The following CTNNA3 variants were observed in gnomAD, a reference collection of about 807,000 sequenced individuals.
CTNNA3 encodes the protein catenin alpha 3, also known as catenin alpha-3.
CTNNA3 carries 76 observed loss-of-function variants against 95.7 expected under a neutral mutation model. The ratio of observed to expected loss-of-function variants is 0.79; its 90% confidence interval spans 0.66 to 0.96. CTNNA3 has a LOEUF of 0.96. CTNNA3 is among the 40% of genes least tolerant of loss of function. The probability of loss-of-function intolerance (pLI) is 0.00; values close to 1 mark genes in which losing one functional copy is unlikely to be tolerated. For synonymous variants in CTNNA3, 431 were observed against 374.4 expected (o/e 1.15, Z -1.74); for missense variants, 1,191 against 1,089.8 (o/e 1.09, Z -1.31).
intron 11 of CTNNA3, among the ~76,000 whole-genome samples, chr10:66,412,293 C>T (rs1249693797): frequency 6.6e-6 from 1 of 151,778 alleles, no homozygotes; most frequent in Non-Finnish European, 1.5e-5. Context: ...ATAATAAGCA[C>T]AGGAATGGCT....
Position 66,146,410 on chromosome 10 carries a change from C to T in CTNNA3, c.1885-43161G>A, listed in dbSNP as rs1589548940. On this transcript the variant is annotated intron_variant, in intron 13 of 17. Coordinates refer to ENST00000433211, the MANE Select transcript of CTNNA3 (RefSeq NM_013266.4). ...TTTAACAGGAGTTACTCCAAACTTT[C>T]ATGCAAGTATTCATTAGACCTCTCC... is the stretch of plus-strand genomic sequence containing the variant. Among the ~76,000 whole-genome samples, 6 of 152,284 alleles carry T rather than the reference C, an allele frequency of 3.9e-5. 1 individual carries two copies. Among genetic ancestry groups the T allele is most frequent in the Admixed American group, 3.9e-4 (6 of 15,304 alleles).
intron 12 of CTNNA3, among the ~76,000 whole-genome samples, chr10:66,285,468 A>G (rs1024001720): frequency 7.2e-5 from 11 of 151,780 alleles, no homozygotes; most frequent in Non-Finnish European, 1.5e-4. Flanking sequence ...TAATTATATT[A>G]AAAGTGTATC....
At chr10:66,435,798 T>C (rs2131767015) in intron 11 of CTNNA3, among the ~76,000 whole-genome samples, 1 of 152,340 alleles carries the variant, frequency 6.6e-6, no homozygotes, top group African/African-American at 2.4e-5. Flanking sequence ...TCTTTCCTGC[T>C]TTCTCCTGTG....
chr10:67,137,554 A>G (rs1190458781), intron 7 of CTNNA3, among the ~76,000 whole-genome samples: 1 of 152,192 alleles, frequency 6.6e-6, no homozygotes, highest in Non-Finnish European at 1.5e-5. Context: ...TTTGTAACAA[A>G]TCATAGCACA....
intron 10 of CTNNA3, among the ~76,000 whole-genome samples, chr10:66,571,585 A>G (rs1489246631): frequency 6.6e-5 from 10 of 152,202 alleles, no homozygotes; most frequent in Admixed American, 4.6e-4. Context: ...TTTTAAAATT[A>G]TCACCCTAAG....
intron 5 of CTNNA3, among the ~76,000 whole-genome samples, chr10:67,385,284 G>T (rs1294910610): frequency 1.3e-5 from 2 of 152,234 alleles, no homozygotes; most frequent in Non-Finnish European, 2.9e-5. Context: ...CACACTTGTG[G>T]TTGACAAGGG....
At chr10:66,480,575 T>C (rs1338513359) in intron 11 of CTNNA3, among the ~76,000 whole-genome samples, 1 of 152,138 alleles carries the variant, frequency 6.6e-6, no homozygotes, top group Admixed American at 6.6e-5. Flanking sequence ...TGATATTACA[T>C]AATTTTCAGA....
At chr10:67,698,912 T>C (rs1466842199), upstream of CTNNA3, among the ~76,000 whole-genome samples, 1 of 151,806 alleles carries the variant, frequency 6.6e-6, no homozygotes, top group African/African-American at 2.4e-5. Context: ...GCTAACCAAC[T>C]CTCCTGCCTC....
chr10:67,334,961 T>A (rs1168138924), intron 5 of CTNNA3: 1 of 152,246 alleles, frequency 6.6e-6, no homozygotes, highest in Non-Finnish European at 1.5e-5. Flanking sequence ...GTATAGATTA[T>A]CTATAAAATG....
intron 1 of CTNNA3, among the ~76,000 whole-genome samples, chr10:67,681,397 G>A (rs936023051): frequency 3.3e-5 from 5 of 152,034 alleles, no homozygotes; most frequent in Non-Finnish European, 5.9e-5. Context: ...TGATAAATAC[G>A]GCTTTTCAAA....
intron 13 of CTNNA3, among the ~76,000 whole-genome samples, chr10:66,147,799 A>ATGTATAGTG (rs1206823014): frequency 6.7e-6 from 1 of 150,044 alleles, no homozygotes; most frequent in African/African-American, 2.5e-5. Flanking sequence ...TATGTATAGT[A>ATGTATAGTG]TGTATGTATA....
chr10:67,722,484 CA>C (rs1472439240), intron 1 of CTNNA3, among the ~76,000 whole-genome samples: 4 of 152,112 alleles, frequency 2.6e-5, no homozygotes, highest in African/African-American at 9.7e-5. Context: ...CTACCAATCT[CA>C]AAGAGAGAAA....
At position 66,256,045 on chromosome 10, in the gene CTNNA3, A is replaced by C. The variant is rs532258177; in HGVS notation, c.1884+24425T>G. ...AGAAGCTGTCCCTGACACAGAACCCAACTGGCAACACCAGGCCACCAATGT... is the reference window on the plus strand; with the variant it reads ...AGAAGCTGTCCCTGACACAGAACCCCACTGGCAACACCAGGCCACCAATGT... On this transcript the variant is annotated intron_variant, in intron 13 of 17. Coordinates refer to ENST00000433211, the MANE Select transcript of CTNNA3 (RefSeq NM_013266.4). Among the ~76,000 whole-genome samples, 4 of 152,320 alleles carry C rather than the reference A, an allele frequency of 2.6e-5. No homozygotes were observed. The South Asian group carries it at 8.3e-4, about 32-fold the overall frequency.
At chr10:66,488,210 T>A (rs1839804891) in intron 11 of CTNNA3, among the ~76,000 whole-genome samples, 1 of 152,254 alleles carries the variant, frequency 6.6e-6, no homozygotes, top group African/African-American at 2.4e-5. Context: ...CCTTGTATGA[T>A]AAATCACTTG....
chr10:67,328,009 G>C (rs912273847), intron 5 of CTNNA3, among the ~76,000 whole-genome samples: 5 of 152,108 alleles, frequency 3.3e-5, no homozygotes, highest in African/African-American at 1.2e-4. Flanking sequence ...GCACTGGCGG[G>C]GGCAGGGCTG....
intron 7 of CTNNA3, among the ~76,000 whole-genome samples, chr10:67,164,558 G>A (rs1861678969): frequency 1.3e-5 from 2 of 151,960 alleles, no homozygotes; most frequent in Non-Finnish European, 2.9e-5. Flanking sequence ...GACACAAAAA[G>A]CATGACACAT....
chr10:66,924,132 G>A (rs1457679426), intron 7 of CTNNA3, among the ~76,000 whole-genome samples: 2 of 152,178 alleles, frequency 1.3e-5, no homozygotes, highest in Non-Finnish European at 2.9e-5. Context: ...AGAATCCTGG[G>A]GGAGGGATTG....
At chr10:66,999,349 CATTTTCAAGAA>C (rs1309748403) in intron 7 of CTNNA3, among the ~76,000 whole-genome samples, 1 of 152,038 alleles carries the variant, frequency 6.6e-6, no homozygotes, top group Non-Finnish European at 1.5e-5. Context: ...TTCTGCCTAA[CATTTTCAAGAA>C]AAAACTTGGG....
intron 1 of CTNNA3, among the ~76,000 whole-genome samples, chr10:67,718,386 T>G (rs185168592): frequency 6.6e-6 from 1 of 152,348 alleles, no homozygotes; most frequent in Admixed American, 6.5e-5. Flanking sequence ...TCTTGTCTTG[T>G]GCCAGTTTTC....
Sources: allele counts gnomAD v4.1 joint callset (sites outside exome capture counted in the v4.1 genomes callset), GRCh38; gene constraint gnomAD v4.1.1; transcripts MANE v1.5; gene names NCBI Gene and HGNC (gene_info 2026-07-23, HGNC 2026-07-21).